GNB1: variants seen among roughly 807,000 people sequenced by gnomAD.
GNB1 encodes the protein G protein subunit beta 1.
Under a neutral mutation model 42.9 loss-of-function variants are expected in GNB1, and 2 were observed. That is an observed-to-expected ratio of 0.05 (90% CI 0.02 to 0.15). The LOEUF (loss-of-function observed/expected upper bound fraction) is 0.15. Ranked by LOEUF, GNB1 falls within the 10% of genes least tolerant of loss-of-function variation. GNB1 has a pLI of 1.00. For missense variants in GNB1, 193 were observed against 462.2 expected (o/e 0.42, Z 5.34); for synonymous variants, 183 against 174.7 (o/e 1.05, Z -0.38).
chr1:1,825,077 G>A (rs1158673145), intron 3 of GNB1: 2 of 234,640 alleles, frequency 8.5e-6, no homozygotes, highest in East Asian at 9.0e-5. Context: ...GGGGAGGGAG[G>A]TAGATATCAC....
intron 1 of GNB1, among the ~76,000 whole-genome samples, chr1:1,884,721 C>T (rs1181646960): frequency 6.7e-6 from 1 of 149,964 alleles, no homozygotes; most frequent in African/African-American, 2.5e-5. Flanking sequence ...CTTGCTCTGT[C>T]GCCCAGGCTG....
At chr1:1,869,358 TAGA>T (rs1461308674) in intron 1 of GNB1, among the ~76,000 whole-genome samples, 1 of 152,140 alleles carries the variant, frequency 6.6e-6, no homozygotes, top group Non-Finnish European at 1.5e-5. Context: ...AGAATTTCAC[TAGA>T]AGGTGACAGT....
chr1:1,882,426 C>CAAAAAAAA (rs5772052), intron 1 of GNB1, among the ~76,000 whole-genome samples: 8 of 71,610 alleles, frequency 1.1e-4, no homozygotes, highest in African/African-American at 2.2e-4. Flanking sequence ...GACTCCAACT[C>CAAAAAAAA]AAAAAAAAAA....
chr1:1,835,161 T>C (rs1318811414), intron 2 of GNB1, among the ~76,000 whole-genome samples: 2 of 152,182 alleles, frequency 1.3e-5, no homozygotes, highest in Non-Finnish European at 2.9e-5. Context: ...CTAGAAAAAC[T>C]TCCGTGTTTT....
chr1:1,848,697 T>TCC (rs1382777383), intron 1 of GNB1, among the ~76,000 whole-genome samples: 4 of 152,234 alleles, frequency 2.6e-5, no homozygotes, highest in Admixed American at 2.6e-4. Flanking sequence ...CGGTAAGGCT[T>TCC]CCAGTCAATA....
At chr1:1,815,648 A>G (rs1217955223) in intron 5 of GNB1, 108 bp downstream of exon 5, 7 of 641,406 alleles carry the variant, frequency 1.1e-5, no homozygotes, top group African/African-American at 9.2e-5. Flanking sequence ...TCAACTTCCT[A>G]ATTTCTTCAC....
At chr1:1,869,374 T>C (rs982501801) in intron 1 of GNB1, among the ~76,000 whole-genome samples, 5 of 152,098 alleles carry the variant, frequency 3.3e-5, no homozygotes, top group African/African-American at 1.2e-4. Context: ...GTGACAGTCT[T>C]GTTTCAGCTA....
At chr1:1,871,435 C>T (rs747238563) in intron 1 of GNB1, among the ~76,000 whole-genome samples, 7 of 151,996 alleles carry the variant, frequency 4.6e-5, no homozygotes, top group African/African-American at 1.4e-4. Context: ...ACTCCAGCCA[C>T]GGCAACAGAG....
chr1:1,821,581 G>T (rs1393940973), intron 3 of GNB1, among the ~76,000 whole-genome samples: 2 of 152,148 alleles, frequency 1.3e-5, no homozygotes, highest in African/African-American at 4.8e-5. Context: ...TTTCCCATTT[G>T]GGGTAAAAGG....
intron 1 of GNB1, among the ~76,000 whole-genome samples, chr1:1,870,633 A>C (rs960831176): frequency 4.6e-5 from 7 of 152,238 alleles, no homozygotes; most frequent in South Asian, 2.1e-4. Flanking sequence ...CAGTAAGAAT[A>C]ATCATCTGCC....
At chr1:1,828,141 A>G (rs537475099) in intron 2 of GNB1, among the ~76,000 whole-genome samples, 1 of 152,046 alleles carries the variant, frequency 6.6e-6, no homozygotes, top group Non-Finnish European at 1.5e-5. Flanking sequence ...GTTAACATGG[A>G]GAAACCCCAT....
chr1:1,889,117 G>A (rs1650321468), intron 1 of GNB1, among the ~76,000 whole-genome samples: 1 of 152,184 alleles, frequency 6.6e-6, no homozygotes, highest in Non-Finnish European at 1.5e-5. Flanking sequence ...TATCACTTCA[G>A]ATTAGAAAAT....
chr1:1,828,901 AC>A (rs1647036434), intron 2 of GNB1, among the ~76,000 whole-genome samples: 1 of 151,820 alleles, frequency 6.6e-6, no homozygotes, highest in African/African-American at 2.4e-5. Context: ...ACATACACAC[AC>A]ACACACACAC....
chr1:1,858,463 C>T (rs1030856671), intron 1 of GNB1, among the ~76,000 whole-genome samples: 5 of 152,112 alleles, frequency 3.3e-5, no homozygotes, highest in African/African-American at 1.2e-4. Context: ...CTATGGCCTC[C>T]CCTCTGGTGA....
At chr1:1,865,623 A>AT (rs1570735848) in intron 1 of GNB1, among the ~76,000 whole-genome samples, 1 of 152,240 alleles carries the variant, frequency 6.6e-6, no homozygotes, top group East Asian at 1.9e-4. Flanking sequence ...TTATGTTCAC[A>AT]ATACCAGCAT....
chr1:1,809,150 ACT>A (rs1646742084), intron 5 of GNB1, among the ~76,000 whole-genome samples: 2 of 151,826 alleles, frequency 1.3e-5, no homozygotes, highest in South Asian at 4.1e-4. Context: ...AGAACTAAAA[ACT>A]AAGTGCAGGC....
chr1:1,890,651 C>T (rs1333590575), intron 1 of GNB1, among the ~76,000 whole-genome samples, 169 bp downstream of exon 1: 2 of 148,036 alleles, frequency 1.4e-5, no homozygotes, highest in Non-Finnish European at 3.0e-5. Flanking sequence ...CACCCCGAAC[C>T]TCGGACCCCA....
intron 8 of GNB1, among the ~76,000 whole-genome samples, chr1:1,791,909 T>G (rs974230048): frequency 4.6e-5 from 7 of 152,088 alleles, no homozygotes; most frequent in African/African-American, 1.7e-4. Flanking sequence ...TCTATGAAAT[T>G]TATACAACGA....
chr1:1,865,918 A>G lies in GNB1; in HGVS notation c.-96+24902T>C, dbSNP rs576106861. Among the ~76,000 whole-genome samples the G allele has an allele frequency of 1.3e-4, 20 of 151,882 alleles. No individual in the cohort carries two copies. In the South Asian group the frequency reaches 4.2e-3, roughly 32 times the overall value. On this transcript the variant is annotated intron_variant, in intron 1 of 11. Transcript: ENST00000378609. ...TTTTTGGTTGTTGTTTTTTGAGACC[A>G]CGCCTGGCCTTGAAAACAGTATTTA...
Sources: gnomAD v4.1 joint callset for allele counts (sites outside exome capture counted in the v4.1 genomes callset) on GRCh38, gnomAD v4.1.1 for gene constraint, MANE v1.5 for transcripts, NCBI Gene and HGNC (gene_info 2026-07-23, HGNC 2026-07-21) for gene names.